Variants in STPG2 observed in about 807,000 individuals in gnomAD.
STPG2 encodes the protein sperm-tail PG-rich repeat-containing protein 2.
A neutral mutation model predicts 54.2 loss-of-function variants in STPG2; 56 were observed. The observed-to-expected ratio is 1.03, with a 90% confidence interval of 0.83 to 1.29. The LOEUF (loss-of-function observed/expected upper bound fraction) is 1.29. STPG2 is among the 50% of genes most tolerant of loss of function. The pLI, the probability that STPG2 is intolerant of heterozygous loss-of-function variation, is 0.00. For missense variants in STPG2, 596 were observed against 544.9 expected (o/e 1.09, Z -0.93); for synonymous variants, 200 against 181.8 (o/e 1.10, Z -0.81).
In STPG2 at chr4:97,459,241, A is replaced by G. The variant is rs534252096; in HGVS notation, c.462+253458T>C. 5.3e-5 allele frequency among the ~76,000 whole-genome samples: 8 copies of G among 152,234 alleles called. No individual in the cohort carries two copies. The East Asian group carries it at 1.5e-3, about 29-fold the overall frequency. ...GTGCAAATGATACAATATATTAACAATTAGTGTTTCAACATTTGGATTTTT... is the reference window on the plus strand; with the variant it reads ...GTGCAAATGATACAATATATTAACAGTTAGTGTTTCAACATTTGGATTTTT... On this transcript the variant is annotated intron_variant, in intron 4 of 4. Coordinates refer to the STPG2 transcript ENST00000522676.
At chr4:97,611,906 T>C (rs1356776137) in intron 10 of STPG2, among the ~76,000 whole-genome samples, 3 of 151,872 alleles carry the variant, frequency 2.0e-5, no homozygotes, top group Non-Finnish European at 2.9e-5. Flanking sequence ...TGAAAGGTCT[T>C]TGTAAGAACA....
Position 97,894,015 on chromosome 4 carries a change from C to G in STPG2, c.1044+49882G>C, listed in dbSNP as rs531355872. 5.3e-5 allele frequency among the ~76,000 whole-genome samples: 8 copies of G among 152,032 alleles called. No homozygotes were observed. The South Asian group carries it at 1.7e-3, about 31-fold the overall frequency. Reference sequence around the variant, plus strand: ...AATATGTTTTCTTCCGTGCCAATAACAACAAAGTAGCTATTCAATTATATA... The same window carrying G: ...AATATGTTTTCTTCCGTGCCAATAAGAACAAAGTAGCTATTCAATTATATA... On this transcript the variant is annotated intron_variant, in intron 8 of 10. Transcript: ENST00000295268.
At chr4:97,967,185 C>CTAA (rs1734135952) in intron 7 of STPG2, among the ~76,000 whole-genome samples, 1 of 107,200 alleles carries the variant, frequency 9.3e-6, no homozygotes, top group Non-Finnish European at 1.8e-5. Context: ...AAATGGTAAG[C>CTAA]AAAAAAAAAA....
At chr4:98,122,859 G>A (rs149888331) in intron 3 of STPG2, among the ~76,000 whole-genome samples, 6 of 152,138 alleles carry the variant, frequency 3.9e-5, no homozygotes, top group African/African-American at 1.4e-4. Flanking sequence ...CATTATTACT[G>A]CTTCGATTTC....
intron 10 of STPG2, among the ~76,000 whole-genome samples, chr4:97,606,641 T>G (rs1317166827): frequency 6.6e-6 from 1 of 151,980 alleles, no homozygotes; most frequent in Admixed American, 6.6e-5. Context: ...AAAGATATTC[T>G]TTAAAAATCA....
chr4:98,116,454 T>C (rs531448689), intron 3 of STPG2, among the ~76,000 whole-genome samples: 71 of 151,968 alleles, frequency 4.7e-4, no homozygotes, highest in Admixed American at 9.9e-4. Context: ...CAAGGACTAA[T>C]AACTATTAAG....
intron 5 of STPG2, among the ~76,000 whole-genome samples, chr4:98,055,865 G>A (rs1737465296): frequency 6.6e-6 from 1 of 152,250 alleles, no homozygotes; most frequent in South Asian, 2.1e-4. Context: ...CTGTTAACAG[G>A]GCAGTTTTGA....
At position 98,067,707 on chromosome 4, in the gene STPG2, G is replaced by A. The variant is rs541312420; in HGVS notation, c.612+38246C>T. 5.9e-5 allele frequency among the ~76,000 whole-genome samples: 9 copies of A among 152,272 alleles called. No homozygotes were observed. In the South Asian group the frequency reaches 1.7e-3, roughly 28 times the overall value. On this transcript the variant is annotated intron_variant, in intron 5 of 10. Coordinates refer to ENST00000295268, the MANE Select transcript of STPG2 (RefSeq NM_174952.3). Reference sequence around the variant, plus strand: ...TATTAGGCATAAAGTTAAAAGAGACGAAGGATAGGGCTAATATGTTTTTTA... The same window carrying A: ...TATTAGGCATAAAGTTAAAAGAGACAAAGGATAGGGCTAATATGTTTTTTA...
intron 10 of STPG2, among the ~76,000 whole-genome samples, chr4:97,598,910 C>CA (rs941619054): frequency 1.3e-5 from 2 of 151,892 alleles, no homozygotes; most frequent in African/African-American, 4.8e-5. Context: ...ACAACAACAA[C>CA]AAAAAAATGA....
At chr4:97,806,143 A>G (rs1727554777) in intron 9 of STPG2, among the ~76,000 whole-genome samples, 1 of 152,170 alleles carries the variant, frequency 6.6e-6, no homozygotes, top group Non-Finnish European at 1.5e-5. Flanking sequence ...TGGATTAGAT[A>G]AAGAAAATGT....
chr4:98,034,916 T>C (rs1472801138), intron 5 of STPG2, among the ~76,000 whole-genome samples: 1 of 152,078 alleles, frequency 6.6e-6, no homozygotes, highest in African/African-American at 2.4e-5. Context: ...TGAAACTGGA[T>C]CCCTTCCTTA....
chr4:97,569,064 C>T (rs1732532451), intron 10 of STPG2, among the ~76,000 whole-genome samples: 1 of 151,994 alleles, frequency 6.6e-6, no homozygotes, highest in South Asian at 2.1e-4. Flanking sequence ...AATGGCTATT[C>T]CATAGGCAGA....
chr4:97,595,408 T>C lies in STPG2; in HGVS notation c.1321-36291A>G, dbSNP rs547953260. ...GGTGGGAATTGAACAATGAGAACAC[T>C]TGGACACAGGAAGGGGAACATCACA... On this transcript the variant is annotated intron_variant, in intron 10 of 10. Coordinates refer to ENST00000295268, the MANE Select transcript of STPG2 (RefSeq NM_174952.3). Among the ~76,000 whole-genome samples the C allele has an allele frequency of 2.8e-4, 42 of 151,728 alleles. No homozygotes were observed. The South Asian group carries it at 8.1e-3, about 29-fold the overall frequency.
intron 10 of STPG2, among the ~76,000 whole-genome samples, chr4:97,591,800 A>C (rs1448023824): frequency 6.6e-6 from 1 of 152,190 alleles, no homozygotes; most frequent in Middle Eastern, 3.2e-3. Flanking sequence ...GTTGGTAGCT[A>C]ACCCAAAATG....
At chr4:97,832,250 CAG>C (rs1728491374) in intron 9 of STPG2, among the ~76,000 whole-genome samples, 1 of 152,120 alleles carries the variant, frequency 6.6e-6, no homozygotes, top group African/African-American at 2.4e-5. Context: ...ATCACATAAA[CAG>C]AGCCAATGAC....
intron 5 of STPG2, among the ~76,000 whole-genome samples, chr4:98,006,998 C>A (rs1416858298): frequency 1.3e-5 from 2 of 152,158 alleles, no homozygotes; most frequent in Admixed American, 1.3e-4. Flanking sequence ...CCTGTCAGAG[C>A]CAATTCCCTC....
intron 8 of STPG2, among the ~76,000 whole-genome samples, chr4:97,911,748 T>C (rs565090986): frequency 6.6e-6 from 1 of 152,208 alleles, no homozygotes; most frequent in Admixed American, 6.5e-5. Flanking sequence ...TCAGCAGACA[T>C]AGCATTTCCT....
intron 4 of STPG2, among the ~76,000 whole-genome samples, chr4:97,465,757 A>G (rs193126882): frequency 6.6e-6 from 1 of 152,160 alleles, no homozygotes; most frequent in Non-Finnish European, 1.5e-5. Flanking sequence ...AATAGTCATT[A>G]TACTGTATAT....
At position 97,616,063 on chromosome 4, in the gene STPG2, T is replaced by C. The variant is rs866215604; in HGVS notation, c.1321-56946A>G. 1.0e-3 allele frequency among the ~76,000 whole-genome samples: 64 copies of C among 62,550 alleles called. 1 individual carries two copies. The highest frequency in any genetic ancestry group is 3.7e-3 in the African/African-American group (58 of 15,872). The allele number at this position is 62,550 out of a possible 152,430, so 41.0% of individuals were successfully genotyped here. ...AAAAAAAAAAATACATATAAATATA[T>C]ATATATATATATATATATATATATA... On this transcript the variant is annotated intron_variant, in intron 10 of 10. Transcript: ENST00000295268.
Sources: allele counts gnomAD v4.1 joint callset (sites outside exome capture counted in the v4.1 genomes callset), GRCh38; gene constraint gnomAD v4.1.1; transcripts MANE v1.5; gene names NCBI Gene and HGNC (gene_info 2026-07-23, HGNC 2026-07-21).